Variants in STPG2 observed in about 807,000 individuals in gnomAD.
STPG2 encodes the protein sperm-tail PG-rich repeat-containing protein 2.
STPG2 carries 56 observed loss-of-function variants against 54.2 expected under a neutral mutation model. The observed-to-expected ratio is 1.03, with a 90% CI of 0.83 to 1.29. STPG2 has a LOEUF of 1.29. Among genes scored for constraint, STPG2 ranks in the 50% most tolerant of loss-of-function variants. The pLI is 0.00. For synonymous variants in STPG2, 200 were observed against 181.8 expected (o/e 1.10, Z -0.81); for missense variants, 596 against 544.9 (o/e 1.09, Z -0.93).
chr4:97,992,650 T>A (rs1441605403), intron 5 of STPG2, among the ~76,000 whole-genome samples: 1 of 152,214 alleles, frequency 6.6e-6, no homozygotes. Flanking sequence ...TGGTGGTATT[T>A]TAATGAGAAT....
At chr4:97,926,322 T>A (rs1732329083) in intron 8 of STPG2, among the ~76,000 whole-genome samples, 2 of 152,162 alleles carry the variant, frequency 1.3e-5, no homozygotes, top group African/African-American at 4.8e-5. Context: ...AAAACAGACC[T>A]CAAATTCAGA....
chr4:98,031,454 G>A (rs903196236), intron 5 of STPG2, among the ~76,000 whole-genome samples: 6 of 152,038 alleles, frequency 3.9e-5, no homozygotes, highest in East Asian at 1.9e-4. Flanking sequence ...TGAGATGGGC[G>A]GATCACAAGG....
rs1431057877 is a variant in STPG2, at chr4:97,604,591, TA to T, written c.1321-45475del. ...TTCTCCTCTACCCTTCTGCTACCCA[TA>T]AGAAAAGAGCCCAATCTTTACCGGT... On this transcript the variant is annotated intron_variant, in intron 10 of 10. Transcript: ENST00000295268. 3.3e-5 allele frequency among the ~76,000 whole-genome samples: 5 copies of T among 151,798 alleles called. No homozygotes were observed. In the East Asian group the frequency reaches 9.7e-4, roughly 29 times the overall value.
At chr4:97,920,005 A>C (rs1467932754) in intron 8 of STPG2, among the ~76,000 whole-genome samples, 1 of 152,214 alleles carries the variant, frequency 6.6e-6, no homozygotes, top group African/African-American at 2.4e-5. Context: ...GAAATGTAAC[A>C]ATGGACTCAT....
At chr4:97,534,171 CATTTCAT>C (rs1731477615) in intron 4 of STPG2, among the ~76,000 whole-genome samples, 2 of 152,068 alleles carry the variant, frequency 1.3e-5, no homozygotes, top group South Asian at 4.1e-4. Flanking sequence ...TATTGAGCAT[CATTTCAT>C]ATTTCATATT....
intron 9 of STPG2, among the ~76,000 whole-genome samples, chr4:97,738,214 C>T (rs1278406305): frequency 1.3e-5 from 2 of 152,086 alleles, no homozygotes; most frequent in South Asian, 2.1e-4. Flanking sequence ...GAAGGAAGCA[C>T]TAAACGTGGA....
intron 9 of STPG2, among the ~76,000 whole-genome samples, chr4:97,830,449 T>C (rs183218789): frequency 6.6e-6 from 1 of 152,178 alleles, no homozygotes; most frequent in Non-Finnish European, 1.5e-5. Flanking sequence ...ATCAACTCTA[T>C]GAAGAAACTG....
At chr4:97,552,099 C>T (rs1339170277) in intron 4 of STPG2, among the ~76,000 whole-genome samples, 2 of 152,026 alleles carry the variant, frequency 1.3e-5, no homozygotes, top group Non-Finnish European at 2.9e-5. Flanking sequence ...ATCTTACCTA[C>T]ATAAATAGAA....
rs996645359 is a variant in STPG2, at chr4:97,536,530, T to G, written c.462+176169A>C. Among the ~76,000 whole-genome samples, 37 of 152,180 alleles carry G rather than the reference T, an allele frequency of 2.4e-4. 2 individuals are homozygous for G. Among genetic ancestry groups the G allele is most frequent in the Admixed American group, 1.3e-4 (2 of 15,288 alleles). ...CCCAGCCATGCAGAACTGAGTCAATTAAACCTATTTCCTTTATGAATTAAA... is the reference window on the plus strand; with the variant it reads ...CCCAGCCATGCAGAACTGAGTCAATGAAACCTATTTCCTTTATGAATTAAA... On this transcript the variant is annotated intron_variant, in intron 4 of 4. Coordinates refer to the STPG2 transcript ENST00000522676.
At chr4:97,630,350 A>G (rs1721235686) in intron 10 of STPG2, among the ~76,000 whole-genome samples, 1 of 151,896 alleles carries the variant, frequency 6.6e-6, no homozygotes, top group Admixed American at 6.6e-5. Flanking sequence ...AATTTTAGCT[A>G]CTGTCTTCCA....
chr4:97,480,802 A>G (rs986649723), intron 4 of STPG2, among the ~76,000 whole-genome samples: 9 of 151,558 alleles, frequency 5.9e-5, no homozygotes, highest in African/African-American at 1.9e-4. Flanking sequence ...TATTTTTAGC[A>G]TACTCTGGTT....
At chr4:97,573,837 T>C (rs1732657662) in intron 10 of STPG2, among the ~76,000 whole-genome samples, 2 of 152,232 alleles carry the variant, frequency 1.3e-5, no homozygotes, top group Non-Finnish European at 2.9e-5. Flanking sequence ...GTGACAAATA[T>C]GTCAGCACTG....
chr4:98,049,450 G>C (rs1055101114), intron 5 of STPG2, among the ~76,000 whole-genome samples: 1 of 152,186 alleles, frequency 6.6e-6, no homozygotes, highest in Non-Finnish European at 1.5e-5. Flanking sequence ...AAAGAACCCA[G>C]GAGCTAAATC....
chr4:97,858,345 C>T (rs958477283), intron 8 of STPG2, among the ~76,000 whole-genome samples: 3 of 152,102 alleles, frequency 2.0e-5, no homozygotes, highest in Non-Finnish European at 2.9e-5. Flanking sequence ...GTATGTCTGA[C>T]AGCAGAATTT....
At chr4:97,685,478 G>T (rs1442975781) in intron 10 of STPG2, among the ~76,000 whole-genome samples, 1 of 152,086 alleles carries the variant, frequency 6.6e-6, no homozygotes, top group African/African-American at 2.4e-5. Context: ...GTGACTGTAT[G>T]ATATTCTTGA....
chr4:98,126,305 A>G (rs1017544514), intron 3 of STPG2, among the ~76,000 whole-genome samples: 18 of 152,196 alleles, frequency 1.2e-4, no homozygotes, highest in Non-Finnish European at 2.1e-4. Context: ...AAGTGGCCAC[A>G]TGCCTGAGTG....
chr4:97,947,830 A>G (rs1036860489), intron 7 of STPG2, among the ~76,000 whole-genome samples: 1 of 152,024 alleles, frequency 6.6e-6, no homozygotes, highest in Non-Finnish European at 1.5e-5. Context: ...GAGTTTTTGC[A>G]TCTACATTCA....
chr4:97,995,182 C>T (rs1735164579), intron 5 of STPG2, among the ~76,000 whole-genome samples: 1 of 148,940 alleles, frequency 6.7e-6, no homozygotes, highest in Non-Finnish European at 1.5e-5. Context: ...CCCCCCACCC[C>T]CTGCAATAGC....
chr4:97,499,092 A>T (rs1450398870), intron 4 of STPG2, among the ~76,000 whole-genome samples: 1 of 152,016 alleles, frequency 6.6e-6, no homozygotes, highest in Non-Finnish European at 1.5e-5. Context: ...AATCAGGATA[A>T]GTCTAACTAC....
Sources: allele counts gnomAD v4.1 joint callset (sites outside exome capture counted in the v4.1 genomes callset), GRCh38; gene constraint gnomAD v4.1.1; transcripts MANE v1.5; gene names NCBI Gene and HGNC (gene_info 2026-07-23, HGNC 2026-07-21).